The following NTN4 variants were observed in gnomAD, a reference collection of about 807,000 sequenced individuals.
The protein encoded by NTN4 is netrin 4.
In NTN4, 32 loss-of-function variants were observed where a neutral mutation model predicts 73.6. That is an observed-to-expected ratio of 0.44 (90% confidence interval 0.33 to 0.58). NTN4 has a LOEUF of 0.58. NTN4 is among the 20% of genes least tolerant of loss of function. The probability of loss-of-function intolerance (pLI) is 0.04; values close to 1 mark genes in which losing one functional copy is unlikely to be tolerated. For missense variants in NTN4, 654 were observed against 798.3 expected, an observed-to-expected ratio of 0.82 and a Z score of 2.18; for synonymous variants, 258 against 287.5, an observed-to-expected ratio of 0.90 and a Z score of 1.04.
chr12:95,716,609 C>G (rs770588319), intron 3 of NTN4, among the ~76,000 whole-genome samples: 44 of 151,838 alleles, frequency 2.9e-4, no homozygotes, highest in Non-Finnish European at 5.4e-4. Flanking sequence ...TCTTTCTTCC[C>G]TTTTTCCTTT....
At chr12:95,688,525 C>T (rs772160936) in intron 5 of NTN4, among the ~76,000 whole-genome samples, 4 of 152,108 alleles carry the variant, frequency 2.6e-5, no homozygotes, top group Non-Finnish European at 4.4e-5. Context: ...GCTTGAGATG[C>T]TTAAAGGCTA....
At chr12:95,769,699 G>A (rs962298297) in intron 2 of NTN4, among the ~76,000 whole-genome samples, 2 of 151,282 alleles carry the variant, frequency 1.3e-5, no homozygotes, top group Admixed American at 6.6e-5. Context: ...CATTGGGATT[G>A]GTCAAGACTC....
At chr12:95,712,121 G>A (rs999504926) in intron 4 of NTN4, among the ~76,000 whole-genome samples, 1 of 152,158 alleles carries the variant, frequency 6.6e-6, no homozygotes, top group Non-Finnish European at 1.5e-5. Context: ...GTAAAAGAGA[G>A]GTTCGTGAGC....
intron 2 of NTN4, among the ~76,000 whole-genome samples, chr12:95,765,282 T>C (rs1021543534): frequency 1.3e-5 from 2 of 152,250 alleles, no homozygotes; most frequent in Non-Finnish European, 2.9e-5. Context: ...TTGTTCTTTG[T>C]ACCTCTGATT....
chr12:95,708,975 G>GACCC (rs1184787800), intron 5 of NTN4, among the ~76,000 whole-genome samples: 2 of 152,176 alleles, frequency 1.3e-5, no homozygotes, highest in Non-Finnish European at 2.9e-5. Flanking sequence ...AAAACAGGAT[G>GACCC]CTGGGAGAAA....
chr12:95,738,878 T>C (rs966554718), intron 2 of NTN4, among the ~76,000 whole-genome samples: 2 of 152,178 alleles, frequency 1.3e-5, no homozygotes, highest in Non-Finnish European at 2.9e-5. Context: ...GTCTAGCCAG[T>C]AGCCAGAGTG....
chr12:95,741,438 TATATATA>T (rs1565903675), intron 2 of NTN4, among the ~76,000 whole-genome samples: 4,093 of 101,036 alleles, frequency 0.041, 303 homozygotes, highest in African/African-American at 0.096. Flanking sequence ...TATATATATA[TATATATA>T]TATATATATA....
chr12:95,748,478 T>TTTC (rs2078878910), intron 2 of NTN4, among the ~76,000 whole-genome samples: 1 of 8,726 alleles, frequency 1.1e-4, no homozygotes, highest in African/African-American at 2.2e-4. Flanking sequence ...TTTCTTTTCT[T>TTTC]TTTTTTTTTT....
At chr12:95,698,327 A>T (rs912771264) in intron 5 of NTN4, among the ~76,000 whole-genome samples, 1 of 152,244 alleles carries the variant, frequency 6.6e-6, no homozygotes, top group Admixed American at 6.5e-5. Flanking sequence ...CCAAATGCTC[A>T]TTCTCTTCTT....
chr12:95,725,701 G>A (rs929905010), intron 3 of NTN4, among the ~76,000 whole-genome samples: 3 of 152,090 alleles, frequency 2.0e-5, no homozygotes, highest in African/African-American at 7.2e-5. Flanking sequence ...ATTGTTTTTT[G>A]TTGTTAATTC....
chr12:95,683,382 A>G, intron 6 of NTN4, 116 bp downstream of exon 6: 1 of 963,492 alleles, frequency 1.0e-6, no homozygotes, highest in Non-Finnish European at 1.5e-6. Context: ...TCTTTAAAAG[A>G]GATGTGCAAA....
At chr12:95,667,520 G>A (rs1592651090) in intron 8 of NTN4, among the ~76,000 whole-genome samples, 1 of 152,028 alleles carries the variant, frequency 6.6e-6, no homozygotes, top group East Asian at 1.9e-4. Flanking sequence ...CTTCTAAGGG[G>A]TCTTAAAAGC....
At chr12:95,722,351 C>T (rs986298288) in intron 3 of NTN4, among the ~76,000 whole-genome samples, 8 of 152,146 alleles carry the variant, frequency 5.3e-5, no homozygotes, top group African/African-American at 2.4e-5. Context: ...TTAGGCTGGG[C>T]GTGGTGGCTC....
chr12:95,745,490 T>C (rs1359800731), intron 2 of NTN4, among the ~76,000 whole-genome samples: 2 of 152,192 alleles, frequency 1.3e-5, no homozygotes, highest in Non-Finnish European at 2.9e-5. Flanking sequence ...TCAAAAATGG[T>C]CATTCAACTT....
intron 5 of NTN4, among the ~76,000 whole-genome samples, chr12:95,689,867 T>C (rs539734064): frequency 6.6e-6 from 1 of 152,310 alleles, no homozygotes; most frequent in East Asian, 1.9e-4. Context: ...TACTTTGCAT[T>C]AGGCAGTTGG....
intron 2 of NTN4, among the ~76,000 whole-genome samples, chr12:95,753,071 CCACCTGATATT>C (rs2078922275): frequency 6.6e-6 from 1 of 152,062 alleles, no homozygotes; most frequent in African/African-American, 2.4e-5. Flanking sequence ...TTTCTCTGAT[CCACCTGATATT>C]CACCCCATTT....
chr12:95,673,015 A>AC, intron 7 of NTN4: 3 of 1,383,206 alleles, frequency 2.2e-6, no homozygotes, highest in Non-Finnish European at 2.0e-6. Context: ...GGATGAAGGG[A>AC]CCCTGTGTAA....
chr12:95,757,004 A>C (rs901294240), intron 2 of NTN4, among the ~76,000 whole-genome samples: 1 of 152,076 alleles, frequency 6.6e-6, no homozygotes, highest in African/African-American at 2.4e-5. Context: ...GTGCTACTTC[A>C]AGCACCCGTT....
chr12:95,707,381 CCTT>C (rs1054317572), intron 5 of NTN4, among the ~76,000 whole-genome samples: 1 of 152,124 alleles, frequency 6.6e-6, no homozygotes, highest in African/African-American at 2.4e-5. Flanking sequence ...TATTCCCTCT[CCTT>C]AGAATGTTCT....
Sources: gnomAD v4.1 joint callset for allele counts (sites outside exome capture counted in the v4.1 genomes callset) on GRCh38, gnomAD v4.1.1 for gene constraint, MANE v1.5 for transcripts, NCBI Gene and HGNC (gene_info 2026-07-23, HGNC 2026-07-21) for gene names.